COL6A5: variants seen among roughly 807,000 people sequenced by gnomAD.
COL6A5 encodes collagen type VI alpha 5 chain.
Under a neutral mutation model 65.6 loss-of-function variants are expected in COL6A5, and 48 were observed. The observed-to-expected ratio is 0.73, with a 90% CI of 0.58 to 0.93. The LOEUF (loss-of-function observed/expected upper bound fraction) is 0.93, where lower values mean the gene tolerates loss of function less well. COL6A5 is among the 40% of genes least tolerant of loss of function. The pLI is 0.00. For synonymous variants in COL6A5, 291 were observed against 322.8 expected (o/e 0.90, Z 1.05); for missense variants, 914 against 928.3 (o/e 0.98, Z 0.20).
At chr3:130,388,858 G>T (rs1304983737) in exon 6 of COL6A5, 2 of 1,551,308 alleles carry the variant, frequency 1.3e-6, no homozygotes, top group South Asian at 2.4e-5. Context: ...ACTAAATTTT[G>T]TAGGTCAATA....
intron 4 of COL6A5, among the ~76,000 whole-genome samples, chr3:130,449,936 T>G (rs573852748): frequency 6.6e-6 from 1 of 151,924 alleles, no homozygotes; most frequent in African/African-American, 2.4e-5. Flanking sequence ...CACCGAACCT[T>G]GAGGTAAAGG....
Position 130,409,317 on chromosome 3 carries a change from T to G in COL6A5, c.4480-9T>G. 6.5e-7 allele frequency: 1 copy of G among 1,534,962 alleles called. No homozygotes were observed. Among genetic ancestry groups the G allele is most frequent in the Non-Finnish European group, 8.8e-7 (1 of 1,141,000 alleles). Reference sequence around the variant, plus strand: ...AAGCTAACTCAGAAATTCATTTCATTTTTTTCAGGGCAGCCCAGGTTCCAG... The same window carrying G: ...AAGCTAACTCAGAAATTCATTTCATGTTTTTCAGGGCAGCCCAGGTTCCAG... On this transcript the variant is annotated splice_polypyrimidine_tract_variant and intron_variant and NMD_transcript_variant, in intron 17 of 41. Coordinates refer to the COL6A5 transcript ENST00000312481.
At chr3:130,479,211 G>A (rs1465193664) in intron 7 of COL6A5, among the ~76,000 whole-genome samples, 2 of 151,946 alleles carry the variant, frequency 1.3e-5, no homozygotes, top group African/African-American at 4.8e-5. Flanking sequence ...CTTCCACCAT[G>A]TGAGAATTTA....
At chr3:130,426,403 CGTGA>C (rs1559896593) in intron 31 of COL6A5, 2 of 1,551,006 alleles carry the variant, frequency 1.3e-6, no homozygotes, top group Non-Finnish European at 1.7e-6. Flanking sequence ...GGAACATAGT[CGTGA>C]GTATCTGTTA....
chr3:130,479,033 T>C (rs1362897296), intron 7 of COL6A5, among the ~76,000 whole-genome samples: 1 of 152,072 alleles, frequency 6.6e-6, no homozygotes, highest in Non-Finnish European at 1.5e-5. Flanking sequence ...TGATGAATAA[T>C]GCTATGGCCT....
chr3:130,462,980 AACT>A (rs1709734318), intron 5 of COL6A5, among the ~76,000 whole-genome samples: 1 of 152,092 alleles, frequency 6.6e-6, no homozygotes, highest in Non-Finnish European at 1.5e-5. Context: ...TTTCTTAGCC[AACT>A]CATTCACCCT....
intron 1 of COL6A5, among the ~76,000 whole-genome samples, chr3:130,367,350 C>T (rs1935379546): frequency 6.6e-6 from 1 of 152,188 alleles, no homozygotes; most frequent in Non-Finnish European, 1.5e-5. Context: ...CTCTCCTCTT[C>T]CCCTTTGTGC....
chr3:130,372,899 A>G (rs144735995), intron 1 of COL6A5, among the ~76,000 whole-genome samples: 2 of 152,168 alleles, frequency 1.3e-5, no homozygotes, highest in African/African-American at 2.4e-5. Flanking sequence ...TTTTTTGAGT[A>G]TCGGCCATTT....
At chr3:130,393,413 G>A (rs1048657789) in intron 7 of COL6A5, among the ~76,000 whole-genome samples, 4 of 152,088 alleles carry the variant, frequency 2.6e-5, no homozygotes, top group African/African-American at 9.7e-5. Context: ...TTTTCCAGGT[G>A]GTAGCACTTG....
chr3:130,413,367 G>A (rs1478852783), intron 20 of COL6A5, among the ~76,000 whole-genome samples, 178 bp from the exon 21 acceptor site: 2 of 151,808 alleles, frequency 1.3e-5, no homozygotes, highest in Non-Finnish European at 2.9e-5. Flanking sequence ...TCCCCCAAAT[G>A]TTAGTCTCTA....
chr3:130,408,162 C>T (rs1341084701), intron 17 of COL6A5, among the ~76,000 whole-genome samples: 1 of 151,844 alleles, frequency 6.6e-6, no homozygotes, highest in Non-Finnish European at 1.5e-5. Flanking sequence ...CGGGGCCGGA[C>T]AGAACAGAGT....
At chr3:130,394,813 G>A in intron 7 of COL6A5, 77 bp from the exon 8 acceptor site, 1 of 1,020,472 alleles carries the variant, frequency 9.8e-7, no homozygotes. Flanking sequence ...ATTTAGTAAA[G>A]CAATTTAAGT....
At chr3:130,379,420 C>A in exon 4 of COL6A5, 1 of 1,549,858 alleles carries the variant, frequency 6.5e-7, no homozygotes, top group Non-Finnish European at 8.7e-7. Context: ...CTGCATAGTT[C>A]ACTTCCCCAT....
chr3:130,369,497 T>A (rs1016929993), intron 1 of COL6A5, among the ~76,000 whole-genome samples: 11 of 152,212 alleles, frequency 7.2e-5, no homozygotes, highest in African/African-American at 2.7e-4. Flanking sequence ...GCAAGCTTTA[T>A]CATGTGCCTT....
intron 7 of COL6A5, among the ~76,000 whole-genome samples, chr3:130,480,294 C>A (rs1399412319): frequency 6.6e-6 from 1 of 151,796 alleles, no homozygotes; most frequent in Non-Finnish European, 1.5e-5. Context: ...TTGATAAATT[C>A]TAATGATAAT....
At chr3:130,381,153 G>A (rs1935980678) in intron 4 of COL6A5, among the ~76,000 whole-genome samples, 1 of 152,086 alleles carries the variant, frequency 6.6e-6, no homozygotes. Flanking sequence ...TATAAAAATG[G>A]AAGCTGGGAA....
chr3:130,433,710 A>G (rs1937916172), intron 1 of COL6A5, among the ~76,000 whole-genome samples: 1 of 152,102 alleles, frequency 6.6e-6, no homozygotes, highest in Non-Finnish European at 1.5e-5. Context: ...GTTTCCCCTC[A>G]TACTTACCCA....
exon 9 of COL6A5, chr3:130,397,702 T>A (rs1284929392): frequency 6.5e-7 from 1 of 1,549,540 alleles, no homozygotes; most frequent in Admixed American, 2.0e-5. Flanking sequence ...AGACATCAGC[T>A]CTATCAAGGG....
rs1337763354 is a variant in COL6A5 at position 130,388,569 on chromosome 3, A to T, written c.1862-11A>T. On this transcript the variant is annotated splice_polypyrimidine_tract_variant and intron_variant and NMD_transcript_variant, in intron 5 of 41. Transcript: ENST00000312481. The stretch of plus-strand genomic sequence containing the variant: ...CTGGTTATTTCTGGTCTTTTTTTTT[A>T]TAACATGCAGGATGTGAAGACATGA... 6 of 1,493,296 alleles carry T rather than the reference A, an allele frequency of 4.0e-6. No individual in the cohort carries two copies. In the Admixed American group the frequency reaches 1.3e-4, roughly 31 times the overall value. The allele number at this position is 1,493,296 out of a possible 1,614,324, so 92.5% of individuals were successfully genotyped here. A position where few individuals can be genotyped will look rare whatever the true frequency, so the allele number is the denominator to read the frequency against.
Sources: gnomAD v4.1 joint callset for allele counts (sites outside exome capture counted in the v4.1 genomes callset) on GRCh38, gnomAD v4.1.1 for gene constraint, MANE v1.5 for transcripts, NCBI Gene and HGNC (gene_info 2026-07-23, HGNC 2026-07-21) for gene names.